MDH1B: variants seen among roughly 807,000 people sequenced by gnomAD.
MDH1B encodes the protein putative malate dehydrogenase 1B.
In MDH1B, 60 loss-of-function variants were observed where a neutral mutation model predicts 61.4. The ratio of observed to expected loss-of-function variants is 0.98; its 90% CI spans 0.79 to 1.21. The LOEUF (loss-of-function observed/expected upper bound fraction) is 1.21. Among genes scored for constraint, MDH1B ranks in the 50% most tolerant of loss-of-function variants. MDH1B has a pLI of 0.00. For missense variants in MDH1B, 587 were observed against 632.1 expected (o/e 0.93, Z 0.76); for synonymous variants, 236 against 218.7 (o/e 1.08, Z -0.70).
chr2:206,738,630 T>A (rs1687627254), intron 11 of MDH1B, 119 bp from the exon 12 acceptor site: 2 of 637,506 alleles, frequency 3.1e-6, no homozygotes, highest in Admixed American at 2.8e-5. Context: ...GCTGAGAAAG[T>A]GCATGTGTGA....
chr2:206,756,086 T>C (rs1374651341), intron 4 of MDH1B, among the ~76,000 whole-genome samples: 5 of 152,224 alleles, frequency 3.3e-5, no homozygotes, highest in South Asian at 4.1e-4. Context: ...CCATGGGAAG[T>C]TCAGAAATGC....
chr2:206,740,461 A>G (rs112698236), intron 10 of MDH1B, among the ~76,000 whole-genome samples: 3 of 152,152 alleles, frequency 2.0e-5, no homozygotes, highest in African/African-American at 7.2e-5. Context: ...GAGCAGGAGG[A>G]AGAGGAGGCA....
intron 7 of MDH1B, among the ~76,000 whole-genome samples, chr2:206,747,212 C>T (rs932868554): frequency 6.6e-5 from 10 of 151,990 alleles, no homozygotes; most frequent in African/African-American, 2.4e-4. Flanking sequence ...TTCGAGAAAC[C>T]AAGATCTAAA....
intron 6 of MDH1B, among the ~76,000 whole-genome samples, chr2:206,749,652 G>A (rs1201569256): frequency 6.6e-6 from 1 of 152,142 alleles, no homozygotes; most frequent in African/African-American, 2.4e-5. Flanking sequence ...TCATGAGGAT[G>A]GAACTCAGGT....
chr2:206,738,401 C>A lies in MDH1B; in HGVS notation c.*82G>T. 9.4e-7 allele frequency: 1 copy of A among 1,058,278 alleles called. No homozygotes were observed. The highest frequency in any genetic ancestry group is 1.7e-5 in the South Asian group (1 of 59,070). 65.6% of individuals were successfully genotyped at this position (1,058,278 alleles called of 1,614,324 possible). A position where few individuals can be genotyped will look rare whatever the true frequency, so the allele number is the denominator to read the frequency against. On this transcript the variant is annotated 3_prime_UTR_variant, in exon 12 of 12. Transcript: ENST00000374412. ...GACATAAATCTTTCAAATTATTCTT[C>A]CTTAAATATAGACATTCATATAAAT...
At chr2:206,758,964 T>G (rs1000369963) in intron 2 of MDH1B, among the ~76,000 whole-genome samples, 1 of 107,554 alleles carries the variant, frequency 9.3e-6, no homozygotes, top group African/African-American at 5.0e-5. Flanking sequence ...AGGCTGTTTG[T>G]TTTTTTTTTT....
At chr2:206,757,458 T>G (rs1688831505) in intron 2 of MDH1B, 87 bp from the exon 3 acceptor site, 2 of 1,352,854 alleles carry the variant, frequency 1.5e-6, no homozygotes, top group Admixed American at 4.1e-5. Context: ...ATTAAAATAC[T>G]AGGTTGCTTT....
At chr2:206,757,106 G>C in intron 3 of MDH1B, 66 bp from the exon 4 acceptor site, 2 of 1,556,646 alleles carry the variant, frequency 1.3e-6, no homozygotes, top group Non-Finnish European at 1.7e-6. Context: ...GGCTATAATG[G>C]AAAGTTTTTG....
intron 1 of MDH1B, among the ~76,000 whole-genome samples, chr2:206,762,213 TC>T (rs1267934351): frequency 6.6e-6 from 1 of 152,162 alleles, no homozygotes; most frequent in Non-Finnish European, 1.5e-5. Context: ...CTTTTCCTTC[TC>T]CCCAACATTC....
intron 9 of MDH1B, among the ~76,000 whole-genome samples, chr2:206,743,317 T>C (rs1404329203): frequency 6.6e-6 from 1 of 152,228 alleles, no homozygotes; most frequent in Non-Finnish European, 1.5e-5. Flanking sequence ...TCTGACAGTG[T>C]AGAACAGTCC....
chr2:206,762,987 T>C (rs1219337013), intron 1 of MDH1B, among the ~76,000 whole-genome samples: 1 of 152,130 alleles, frequency 6.6e-6, no homozygotes, highest in East Asian at 1.9e-4. Context: ...ATATTCTTTT[T>C]GGCCAATCTG....
At chr2:206,762,644 G>A (rs1229959653) in intron 1 of MDH1B, among the ~76,000 whole-genome samples, 1 of 152,136 alleles carries the variant, frequency 6.6e-6, no homozygotes, top group Admixed American at 6.6e-5. Context: ...AAAATATCTT[G>A]AAAGAGTTCC....
At chr2:206,745,724 ATTC>A in intron 8 of MDH1B, 51 bp from the exon 9 acceptor site, 21 of 1,155,544 alleles carry the variant, frequency 1.8e-5, no homozygotes, top group South Asian at 5.6e-5. Context: ...TCCTAACTTA[ATTC>A]TTCTTTTTTT....
At chr2:206,756,626 T>C (rs1688775638) in intron 4 of MDH1B, 1 of 373,428 alleles carries the variant, frequency 2.7e-6, no homozygotes, top group Non-Finnish European at 4.8e-6. Context: ...GAGGGTGAGC[T>C]TCTGCAAAGC....
At chr2:206,754,605 G>C (rs1438463493) in intron 5 of MDH1B, among the ~76,000 whole-genome samples, 1 of 152,158 alleles carries the variant, frequency 6.6e-6, no homozygotes, top group Non-Finnish European at 1.5e-5. Context: ...TGAGGAAACT[G>C]ACGCACTGAA....
At chr2:206,742,302 A>G (rs1489252361) in intron 9 of MDH1B, among the ~76,000 whole-genome samples, 5 of 152,238 alleles carry the variant, frequency 3.3e-5, no homozygotes, top group Admixed American at 1.3e-4. Flanking sequence ...AAGTGAGGGC[A>G]TTAATTGGAA....
intron 5 of MDH1B, 59 bp from the exon 6 acceptor site, chr2:206,751,134 C>T: frequency 7.9e-7 from 1 of 1,259,018 alleles, no homozygotes. Context: ...TAAAAAATTG[C>T]CTGAAGCCTA....
chr2:206,738,616 A>C, intron 11 of MDH1B, 105 bp from the exon 12 acceptor site: 1 of 729,762 alleles, frequency 1.4e-6, no homozygotes, highest in South Asian at 2.1e-5. Flanking sequence ...TTCATGATTC[A>C]ATAGCTGAGA....
At chr2:206,758,376 C>T (rs1295180889) in intron 2 of MDH1B, among the ~76,000 whole-genome samples, 2 of 152,210 alleles carry the variant, frequency 1.3e-5, no homozygotes, top group African/African-American at 2.4e-5. Context: ...AAGACAGGGA[C>T]AACATGTTGC....
Sources: allele counts gnomAD v4.1 joint callset (sites outside exome capture counted in the v4.1 genomes callset), GRCh38; gene constraint gnomAD v4.1.1; transcripts MANE v1.5; gene names NCBI Gene and HGNC (gene_info 2026-07-23, HGNC 2026-07-21).